The following PRKCA variants were observed in gnomAD, a reference collection of about 807,000 sequenced individuals.
The protein encoded by PRKCA is protein kinase C alpha, also known as protein kinase C alpha type.
PRKCA carries 27 observed loss-of-function variants against 87.0 expected under a neutral mutation model. That is an observed-to-expected ratio of 0.31 (90% CI 0.23 to 0.43). The LOEUF is 0.43. Among genes scored for constraint, PRKCA ranks in the 20% least tolerant of loss-of-function variants. The pLI is 1.00. For synonymous variants in PRKCA, 329 were observed against 311.1 expected, an observed-to-expected ratio of 1.06 and a Z score of -0.61; for missense variants, 518 against 852.3, an observed-to-expected ratio of 0.61 and a Z score of 4.88.
chr17:66,693,882 G>A (rs1972847130), intron 8 of PRKCA, among the ~76,000 whole-genome samples: 1 of 152,182 alleles, frequency 6.6e-6, no homozygotes, highest in African/African-American at 2.4e-5. Flanking sequence ...ATTGGCCCAA[G>A]GGCCAGTTTG....
intron 2 of PRKCA, among the ~76,000 whole-genome samples, chr17:66,438,448 G>C (rs1913533730): frequency 6.6e-6 from 1 of 152,062 alleles, no homozygotes; most frequent in Non-Finnish European, 1.5e-5. Flanking sequence ...CTTTTTCCTG[G>C]CCATAAAAAG....
At chr17:66,660,453 A>T (rs1971863157) in intron 5 of PRKCA, among the ~76,000 whole-genome samples, 1 of 152,104 alleles carries the variant, frequency 6.6e-6, no homozygotes, top group Non-Finnish European at 1.5e-5. Flanking sequence ...GGAACTCAAG[A>T]TTTTCCTTTA....
At chr17:66,340,428 A>G (rs1598602947) in intron 2 of PRKCA, among the ~76,000 whole-genome samples, 1 of 129,258 alleles carries the variant, frequency 7.7e-6, no homozygotes, top group African/African-American at 3.1e-5. Context: ...ATATGGCCCC[A>G]GTTTGGTTTA....
At chr17:66,312,031 C>T (rs1341623212) in intron 2 of PRKCA, among the ~76,000 whole-genome samples, 3 of 152,024 alleles carry the variant, frequency 2.0e-5, no homozygotes, top group Non-Finnish European at 4.4e-5. Context: ...TCCCAGGCTG[C>T]GGTGCAATGG....
At chr17:66,523,867 T>C (rs1011234652) in intron 3 of PRKCA, among the ~76,000 whole-genome samples, 2 of 152,192 alleles carry the variant, frequency 1.3e-5, no homozygotes, top group African/African-American at 2.4e-5. Flanking sequence ...TGCCTTCTGA[T>C]GATGTCAACA....
At chr17:66,679,174 CTTTTTTTT>C (rs10714678) in intron 5 of PRKCA, among the ~76,000 whole-genome samples, 5 of 121,056 alleles carry the variant, frequency 4.1e-5, no homozygotes, top group African/African-American at 1.6e-4. Flanking sequence ...ACACTCACAC[CTTTTTTTT>C]TTTTTTTTTT....
intron 3 of PRKCA, among the ~76,000 whole-genome samples, chr17:66,619,396 G>A (rs558510391): frequency 6.6e-6 from 1 of 152,310 alleles, no homozygotes; most frequent in South Asian, 2.1e-4. Context: ...AAAGCATTAA[G>A]AACTTCTAAA....
At chr17:66,758,492 G>T (rs1411457315) in intron 13 of PRKCA, among the ~76,000 whole-genome samples, 1 of 152,202 alleles carries the variant, frequency 6.6e-6, no homozygotes, top group Non-Finnish European at 1.5e-5. Flanking sequence ...CATCTGCACT[G>T]CCAAGGCTGA....
At chr17:66,632,910 A>G (rs567214374) in intron 3 of PRKCA, among the ~76,000 whole-genome samples, 3 of 152,342 alleles carry the variant, frequency 2.0e-5, no homozygotes, top group African/African-American at 7.2e-5. Context: ...AAGGACTCAT[A>G]AGAAACCTAC....
At chr17:66,772,417 T>C (rs1246448778) in intron 13 of PRKCA, among the ~76,000 whole-genome samples, 1 of 152,060 alleles carries the variant, frequency 6.6e-6, no homozygotes, top group Non-Finnish European at 1.5e-5. Flanking sequence ...GAAATATTAG[T>C]AATACATTAA....
At chr17:66,669,666 G>A (rs924683227) in intron 5 of PRKCA, among the ~76,000 whole-genome samples, 10 of 152,140 alleles carry the variant, frequency 6.6e-5, no homozygotes, top group African/African-American at 2.2e-4. Context: ...TTGGGAGGCC[G>A]AAGTTGGGCA....
chr17:66,468,180 G>C (rs1048144674), intron 2 of PRKCA, among the ~76,000 whole-genome samples: 2 of 152,224 alleles, frequency 1.3e-5, no homozygotes, highest in African/African-American at 4.8e-5. Context: ...TTAAAGAAAT[G>C]AAAACTACAG....
intron 13 of PRKCA, among the ~76,000 whole-genome samples, 193 bp downstream of exon 13, chr17:66,742,953 G>A (rs1974189352): frequency 6.6e-6 from 1 of 152,220 alleles, no homozygotes; most frequent in Admixed American, 6.5e-5. Flanking sequence ...GTTGTGTCTT[G>A]CTTCCTGGAA....
rs73996234 is a variant in PRKCA at position 66,499,730 on chromosome 17, C to A, written c.288+3447C>A. On this transcript the variant is annotated intron_variant, in intron 3 of 16. Transcript: ENST00000413366. ...TGTTGACTTTCTGTAGATGCTGAGT[C>A]TTACACTTAAAATATCCTTGAAAGT... Among the ~76,000 whole-genome samples, 1,016 of 152,192 alleles carry A rather than the reference C, an allele frequency of 6.7e-3. 13 individuals are homozygous for A. Among genetic ancestry groups the A allele is most frequent in the African/African-American group, 0.023 (962 of 41,508 alleles).
At chr17:66,331,925 G>A (rs1434225222) in intron 2 of PRKCA, among the ~76,000 whole-genome samples, 1 of 152,134 alleles carries the variant, frequency 6.6e-6, no homozygotes, top group Non-Finnish European at 1.5e-5. Flanking sequence ...CTTTCTCCAA[G>A]ACAATATAAA....
chr17:66,563,706 ACTGTG>A (rs1455883398), intron 3 of PRKCA, among the ~76,000 whole-genome samples: 2 of 152,166 alleles, frequency 1.3e-5, no homozygotes, highest in African/African-American at 4.8e-5. Context: ...AATACTCCAG[ACTGTG>A]CTGACCTGTG....
At chr17:66,664,314 G>A (rs1294657376) in intron 5 of PRKCA, among the ~76,000 whole-genome samples, 1 of 152,154 alleles carries the variant, frequency 6.6e-6, no homozygotes, top group African/African-American at 2.4e-5. Flanking sequence ...CAAGTCCTGT[G>A]GCCTGGGCTG....
chr17:66,409,858 C>T (rs1015812795), intron 2 of PRKCA, among the ~76,000 whole-genome samples: 1 of 152,172 alleles, frequency 6.6e-6, no homozygotes, highest in African/African-American at 2.4e-5. Flanking sequence ...GTGGAGCTTG[C>T]AGTGAGCCGA....
At chr17:66,469,925 C>G (rs183975684) in intron 2 of PRKCA, among the ~76,000 whole-genome samples, 1 of 152,132 alleles carries the variant, frequency 6.6e-6, no homozygotes, top group Non-Finnish European at 1.5e-5. Flanking sequence ...TAGAGCACTG[C>G]GAAGGAAACA....
Sources: gnomAD v4.1 joint callset for allele counts (sites outside exome capture counted in the v4.1 genomes callset) on GRCh38, gnomAD v4.1.1 for gene constraint, MANE v1.5 for transcripts, NCBI Gene and HGNC (gene_info 2026-07-23, HGNC 2026-07-21) for gene names.